The following COL25A1 variants were observed in gnomAD, a reference collection of about 807,000 sequenced individuals.
COL25A1 encodes the protein collagen alpha-1(XXV) chain.
In COL25A1, 103 loss-of-function variants were observed where a neutral mutation model predicts 128.4. The ratio of observed to expected loss-of-function variants is 0.80; its 90% CI spans 0.68 to 0.94. The LOEUF (loss-of-function observed/expected upper bound fraction) is 0.94, where lower values mean the gene tolerates loss of function less well. Among genes scored for constraint, COL25A1 ranks in the 40% least tolerant of loss-of-function variants. COL25A1 has a pLI of 0.00. For missense variants in COL25A1, 745 were observed against 840.0 expected, an observed-to-expected ratio of 0.89 and a Z score of 1.40; for synonymous variants, 279 against 277.2, an observed-to-expected ratio of 1.01 and a Z score of -0.06.
chr4:109,109,121 T>A (rs1489304937), intron 3 of COL25A1, among the ~76,000 whole-genome samples: 1 of 152,058 alleles, frequency 6.6e-6, no homozygotes, highest in African/African-American at 2.4e-5. Context: ...TGACAGAGAC[T>A]TGCTCTATCA....
intron 16 of COL25A1, among the ~76,000 whole-genome samples, chr4:108,892,971 C>T (rs1014692080): frequency 6.6e-6 from 1 of 152,080 alleles, no homozygotes; most frequent in Non-Finnish European, 1.5e-5. Flanking sequence ...ATGATGTGTG[C>T]TAATTAGGGA....
chr4:109,091,684 T>A lies in COL25A1; in HGVS notation c.368-41505A>T, dbSNP rs149249307. Reference sequence around the variant, plus strand: ...CCAAGACAGTTCTTCCCTTTCTGCTTACTAGTAAAATAGTGGCTCAGATAT... The same window carrying A: ...CCAAGACAGTTCTTCCCTTTCTGCTAACTAGTAAAATAGTGGCTCAGATAT... On this transcript the variant is annotated intron_variant, in intron 3 of 37. Transcript: ENST00000399132. 3.9e-4 allele frequency among the ~76,000 whole-genome samples: 59 copies of A among 151,920 alleles called. No homozygotes were observed. The East Asian group carries it at 0.01, about 26-fold the overall frequency.
intron 5 of COL25A1, among the ~76,000 whole-genome samples, chr4:109,019,375 C>CACACATAT (rs1338511772): frequency 4.1e-5 from 2 of 48,890 alleles, no homozygotes; most frequent in Non-Finnish European, 6.8e-5. Flanking sequence ...CACACACACA[C>CACACATAT]ATATATATAT....
In COL25A1 at chr4:109,097,662, A is replaced by ATTTTTT. The variant is rs780098779; in HGVS notation, c.368-47489_368-47484dup. On this transcript the variant is annotated intron_variant, in intron 3 of 37. Transcript: ENST00000399132. ...ATTATGTTATCTTAGGTAAACATCA[A>ATTTTTT]TTTTTTTTTTTTTTTTTTTGAGACA... Among the ~76,000 whole-genome samples, 18 of 124,618 alleles carry ATTTTTT rather than the reference A, an allele frequency of 1.4e-4. 1 individual carries two copies. Among genetic ancestry groups the ATTTTTT allele is most frequent in the East Asian group, 4.9e-4 (2 of 4,084 alleles). 81.8% of individuals were successfully genotyped at this position (124,618 alleles called of 152,430 possible).
At chr4:109,081,945 C>T (rs1395589753) in intron 3 of COL25A1, among the ~76,000 whole-genome samples, 2 of 152,086 alleles carry the variant, frequency 1.3e-5, no homozygotes, top group African/African-American at 4.8e-5. Context: ...CTTAGGTAAT[C>T]CGCCCGCCTC....
rs1427674005 is a variant in COL25A1, at chr4:108,959,899, T to C, written c.492+14468A>G. Among the ~76,000 whole-genome samples, 3 of 152,160 alleles carry C rather than the reference T, an allele frequency of 2.0e-5. No individual in the cohort carries two copies. In the South Asian group the frequency reaches 6.2e-4, roughly 32 times the overall value. ...TTCTGAACAAATCCAAAAAGTCTAA[T>C]AGATCTCCAGATATTCCCCTCTTCC... On this transcript the variant is annotated intron_variant, in intron 8 of 37. Transcript: ENST00000399132.
At chr4:109,255,872 C>T (rs1213927559) in intron 3 of COL25A1, among the ~76,000 whole-genome samples, 1 of 152,188 alleles carries the variant, frequency 6.6e-6, no homozygotes, top group Non-Finnish European at 1.5e-5. Flanking sequence ...CCATTCTGCT[C>T]TTGCACCCTT....
intron 3 of COL25A1, among the ~76,000 whole-genome samples, chr4:109,281,020 A>G (rs921051035): frequency 6.6e-6 from 1 of 152,214 alleles, no homozygotes; most frequent in Admixed American, 6.5e-5. Context: ...AACAGATATA[A>G]ATATGTAGAT....
intron 3 of COL25A1, among the ~76,000 whole-genome samples, chr4:109,212,359 C>A (rs1046352719): frequency 1.3e-5 from 2 of 152,082 alleles, no homozygotes; most frequent in East Asian, 3.9e-4. Context: ...ACCTGACAAC[C>A]AAACCACCTA....
intron 8 of COL25A1, among the ~76,000 whole-genome samples, chr4:108,959,812 G>A (rs1291393269): frequency 2.0e-5 from 3 of 152,014 alleles, no homozygotes; most frequent in African/African-American, 7.2e-5. Context: ...ATTCAATTTT[G>A]TTTGACTTTT....
chr4:109,229,539 T>G (rs1190165873), intron 3 of COL25A1, among the ~76,000 whole-genome samples: 1 of 152,236 alleles, frequency 6.6e-6, no homozygotes, highest in African/African-American at 2.4e-5. Flanking sequence ...TAAGACACGT[T>G]ACAGACTTCT....
intron 20 of COL25A1, among the ~76,000 whole-genome samples, chr4:108,866,850 A>T (rs1180802508): frequency 6.6e-6 from 1 of 152,240 alleles, no homozygotes; most frequent in Middle Eastern, 3.2e-3. Context: ...GTGCACATGC[A>T]TGTTGCTGTT....
intron 11 of COL25A1, among the ~76,000 whole-genome samples, chr4:108,922,065 A>G (rs1460397903): frequency 1.3e-5 from 2 of 152,112 alleles, no homozygotes; most frequent in African/African-American, 4.8e-5. Context: ...TCTGGAATCC[A>G]TCCTTGTCTC....
intron 19 of COL25A1, among the ~76,000 whole-genome samples, chr4:108,883,671 ATGT>A (rs1369934585): frequency 6.6e-6 from 1 of 152,188 alleles, no homozygotes; most frequent in Non-Finnish European, 1.5e-5. Flanking sequence ...GGGACAGTGT[ATGT>A]GTTGGGTCAA....
At chr4:108,979,721 G>A (rs1752774077) in intron 6 of COL25A1, among the ~76,000 whole-genome samples, 1 of 152,166 alleles carries the variant, frequency 6.6e-6, no homozygotes. Context: ...ATTCATTGCT[G>A]TAGAAATATG....
At chr4:108,894,270 A>C (rs1380024177) in intron 16 of COL25A1, among the ~76,000 whole-genome samples, 1 of 152,196 alleles carries the variant, frequency 6.6e-6, no homozygotes, top group Non-Finnish European at 1.5e-5. Flanking sequence ...ATTGGCCTAC[A>C]TTCCAAAAAT....
Position 108,846,166 on chromosome 4 carries a change from T to A in COL25A1, c.1488A>T (p.Lys496Asn). ...DMGDPGMTGE[K>N]GGIGLPGLPG... ...GTAATCCAGGAAGTCCAATTCCTCCTTTTTCACCTGTCATACCTGGGTCCC... is the reference window on the plus strand; with the variant it reads ...GTAATCCAGGAAGTCCAATTCCTCCATTTTCACCTGTCATACCTGGGTCCC... Residue 496 changes from lysine to asparagine, a missense_variant, in exon 28 of 38, where the codon AAA (lysine) becomes AAT (asparagine). By Grantham distance (94) the Lys-to-Asn change is moderately conservative (BLOSUM62 0). This residue lies in a region of COL25A1 where 387 missense variants were observed against 441.9 expected (regional missense o/e 0.88). Transcript: ENST00000399132. 6.2e-7 allele frequency: 1 copy of A among 1,611,394 alleles called. No individual in the cohort carries two copies.
At chr4:109,095,478 G>C (rs550567611) in intron 3 of COL25A1, among the ~76,000 whole-genome samples, 1 of 152,150 alleles carries the variant, frequency 6.6e-6, no homozygotes, top group Non-Finnish European at 1.5e-5. Flanking sequence ...GAAATGAATA[G>C]GGACTGTGGT....
intron 6 of COL25A1, among the ~76,000 whole-genome samples, chr4:108,984,561 G>C (rs1445042082): frequency 6.6e-6 from 1 of 152,250 alleles, no homozygotes; most frequent in Non-Finnish European, 1.5e-5. Context: ...CTAAGGCCCA[G>C]CGAGAAATTG....
Sources: gnomAD v4.1 joint callset for allele counts (sites outside exome capture counted in the v4.1 genomes callset) on GRCh38, gnomAD v4.1.1 for gene constraint, gnomAD v4.1.1 regional missense constraint, MANE v1.5 for transcripts, NCBI Gene and HGNC (gene_info 2026-07-23, HGNC 2026-07-21) for gene names.